Variants in CD109 observed in about 807,000 individuals in gnomAD.
The protein encoded by CD109 is CD109 antigen.
CD109 carries 149 observed loss-of-function variants against 165.8 expected under a neutral mutation model. That is an observed-to-expected ratio of 0.90 (90% CI 0.79 to 1.03). The LOEUF is 1.03. Ranked by LOEUF, CD109 falls within the 50% of genes least tolerant of loss-of-function variation. The pLI is 0.00. For synonymous variants in CD109, 585 were observed against 592.1 expected, an observed-to-expected ratio of 0.99 and a Z score of 0.18; for missense variants, 1,712 against 1,677.8, an observed-to-expected ratio of 1.02 and a Z score of -0.36.
rs1773871122 is a variant in CD109, at chr6:73,766,816, A to G, written c.1390A>G (p.Ser464Gly). The G allele has an allele frequency of 1.2e-6, 2 of 1,613,264 alleles. No individual in the cohort carries two copies. Among genetic ancestry groups the G allele is most frequent in the East Asian group, 2.2e-5 (1 of 44,774 alleles). ...AGTTCATAGTCTGTTTAAGTCTCCT[A>G]GTAAGACATACATCCAACTAAAAAC... ...MAVHSLFKSP[S>G]KTYIQLKTRD... The change falls in exon 12 of 33, where the codon AGT becomes GGT. Residue 464 changes from serine (S) to glycine (G), a missense_variant. Physicochemically the swap from Ser to Gly is moderately conservative, Grantham distance 56. Transcript: ENST00000287097.
At chr6:73,683,934 C>G in the CD109 span, among the ~76,000 whole-genome samples, 1 of 152,164 alleles carries the variant, frequency 6.6e-6, no homozygotes, top group Non-Finnish European at 1.5e-5. Flanking sequence ...AGGTTCCTCC[C>G]ATGACACTTG....
intron 15 of CD109, among the ~76,000 whole-genome samples, chr6:73,779,118 T>G (rs1426417858): frequency 1.3e-5 from 2 of 152,188 alleles, no homozygotes; most frequent in Non-Finnish European, 2.9e-5. Context: ...TCTAGTCTAC[T>G]TCTGTCTTTA....
intron 25 of CD109, 108 bp downstream of exon 25, chr6:73,807,180 CAT>C (rs1775597001): frequency 1.3e-6 from 1 of 763,342 alleles, no homozygotes; most frequent in African/African-American, 1.8e-5. Context: ...CTTTACAACA[CAT>C]GTGAAATCTG....
chr6:73,686,690 CTCTCTT>C, the CD109 span, among the ~76,000 whole-genome samples: 1 of 152,178 alleles, frequency 6.6e-6, no homozygotes, highest in East Asian at 1.9e-4. Flanking sequence ...TATCAGTCCT[CTCTCTT>C]TCTTTCTTTT....
upstream of CD109, chr6:73,695,257 C>T (rs1305866661): frequency 2.0e-5 from 3 of 152,154 alleles, no homozygotes; most frequent in African/African-American, 7.2e-5. Flanking sequence ...CATGGTGAAA[C>T]CTGAGTCATC....
chr6:73,740,405 C>T (rs1445802594), intron 5 of CD109, among the ~76,000 whole-genome samples: 1 of 152,144 alleles, frequency 6.6e-6, no homozygotes. Flanking sequence ...GGCATTTCTC[C>T]ACTTGTATTA....
At chr6:73,813,213 A>G (rs910103644) in intron 29 of CD109, among the ~76,000 whole-genome samples, 2 of 152,180 alleles carry the variant, frequency 1.3e-5, no homozygotes, top group South Asian at 2.1e-4. Flanking sequence ...AAGAGAAAGT[A>G]AACAATTTAT....
In CD109 at chr6:73,768,090, A is replaced by C. The variant is rs1289548449; in HGVS notation, c.1533A>C (p.Lys511Asn). The change falls in exon 14 of 33, where the codon AAA becomes AAC. Residue 511 changes from lysine (K) to asparagine (N), a missense_variant. Physicochemically the swap from Lys to Asn is moderately conservative, Grantham distance 94. Coordinates refer to ENST00000287097, the MANE Select transcript of CD109 (RefSeq NM_133493.5). ...VSRGQLVAVG[K>N]QNSTMFSLTP... ...GGGGACAGTTGGTGGCTGTAGGAAA[A>C]CAAAATTCAACAATGTTCTCTTTAA... 1 of 1,613,590 alleles carries C rather than the reference A, an allele frequency of 6.2e-7. No homozygotes were observed. The highest frequency in any genetic ancestry group is 1.1e-5 in the South Asian group (1 of 91,038).
the CD109 span, among the ~76,000 whole-genome samples, chr6:73,689,296 T>C: frequency 6.6e-6 from 1 of 152,140 alleles, no homozygotes; most frequent in African/African-American, 2.4e-5. Flanking sequence ...GGTCACAACC[T>C]GAGTTTGTGA....
chr6:73,696,537 C>G (rs1344610023), intron 1 of CD109, among the ~76,000 whole-genome samples: 1 of 152,250 alleles, frequency 6.6e-6, no homozygotes, highest in Admixed American at 6.5e-5. Context: ...GCCATAACAA[C>G]TTTCTGAAGA....
intron 5 of CD109, among the ~76,000 whole-genome samples, chr6:73,746,282 G>A (rs1444457097): frequency 6.6e-6 from 1 of 152,182 alleles, no homozygotes; most frequent in African/African-American, 2.4e-5. Context: ...TCTGACCAGT[G>A]GTGGCAGCCC....
At chr6:73,809,464 T>C (rs1196286625) in intron 26 of CD109, among the ~76,000 whole-genome samples, 1 of 152,140 alleles carries the variant, frequency 6.6e-6, no homozygotes, top group African/African-American at 2.4e-5. Context: ...GAGCCAAATA[T>C]AGGGAATTTC....
chr6:73,779,271 C>T (rs1205266683), intron 15 of CD109, among the ~76,000 whole-genome samples: 8 of 137,580 alleles, frequency 5.8e-5, no homozygotes, highest in African/African-American at 1.7e-4. Flanking sequence ...TTTTTTGAGA[C>T]GGAGTCTTGC....
At chr6:73,801,840 T>G (rs1233163418) in intron 23 of CD109, among the ~76,000 whole-genome samples, 1 of 152,242 alleles carries the variant, frequency 6.6e-6, no homozygotes, top group African/African-American at 2.4e-5. Flanking sequence ...ATGTCTGTGC[T>G]GCAAAGCTCA....
intron 2 of CD109, among the ~76,000 whole-genome samples, chr6:73,700,053 A>G (rs1056179514): frequency 2.0e-5 from 3 of 152,160 alleles, no homozygotes; most frequent in African/African-American, 7.2e-5. Flanking sequence ...TTTTTTCTCC[A>G]TCACATAAAC....
rs1184646308 is a variant in CD109 at position 73,825,502 on chromosome 6, C to A, written c.*1869C>A. 1 of 152,144 alleles carries A rather than the reference C, an allele frequency of 6.6e-6. No homozygotes were observed. Among genetic ancestry groups the A allele is most frequent in the Non-Finnish European group, 1.5e-5 (1 of 68,032 alleles). The allele number at this position is 152,144 out of a possible 1,614,324, so 9.4% of individuals were successfully genotyped here. A position where few individuals can be genotyped will look rare whatever the true frequency, so the allele number is the denominator to read the frequency against. ...TCCTGGCCTGGGAACCTTATACTGA[C>A]AATCAATACTTTATATTTTAAAGTA... On this transcript the variant is annotated 3_prime_UTR_variant, in exon 33 of 33. Coordinates refer to ENST00000287097, the MANE Select transcript of CD109 (RefSeq NM_133493.5).
chr6:73,827,604 T>C lies in CD109; in HGVS notation c.*3971T>C, dbSNP rs1776315509. ...AAAACTAAGAAGTAAGTGTAACTTT[T>C]AAAGTAAGTATATATCAGTGAGAGT... is the stretch of plus-strand genomic sequence containing the variant. On this transcript the variant is annotated 3_prime_UTR_variant, in exon 33 of 33. Transcript: ENST00000287097. 1 of 152,202 alleles carries C rather than the reference T, an allele frequency of 6.6e-6. No individual in the cohort carries two copies. The highest frequency in any genetic ancestry group is 2.1e-4 in the South Asian group (1 of 4,832). 9.4% of individuals were successfully genotyped at this position (152,202 alleles called of 1,614,324 possible).
chr6:73,765,057 C>G (rs1052641092), intron 10 of CD109, among the ~76,000 whole-genome samples: 82 of 151,920 alleles, frequency 5.4e-4, no homozygotes, highest in African/African-American at 1.9e-3. Flanking sequence ...CTATGGGATG[C>G]TTTATGGAAG....
chr6:73,727,116 A>G (rs1394055413), intron 3 of CD109, among the ~76,000 whole-genome samples: 2 of 152,222 alleles, frequency 1.3e-5, no homozygotes, highest in African/African-American at 4.8e-5. Flanking sequence ...TGCTGTGGGC[A>G]GGTTATAACC....
Sources: gnomAD v4.1 joint callset for allele counts (sites outside exome capture counted in the v4.1 genomes callset) on GRCh38, gnomAD v4.1.1 for gene constraint, MANE v1.5 for transcripts, NCBI Gene and HGNC (gene_info 2026-07-23, HGNC 2026-07-21) for gene names.